Variants in SDF4 observed in about 807,000 individuals in gnomAD.
The protein encoded by SDF4 is 45 kDa calcium-binding protein.
In SDF4, 22 loss-of-function variants were observed where a neutral mutation model predicts 34.2. The observed-to-expected ratio is 0.64, with a 90% CI of 0.46 to 0.92. The LOEUF (loss-of-function observed/expected upper bound fraction) is 0.92. SDF4 is among the 40% of genes least tolerant of loss of function. The pLI is 0.00. For synonymous variants in SDF4, 236 were observed against 203.1 expected (o/e 1.16, Z -1.38); for missense variants, 447 against 499.9 (o/e 0.89, Z 1.01).
chr1:1,218,755 G>A lies in SDF4; in HGVS notation c.715+14C>T. The A allele has an allele frequency of 6.2e-7, 1 of 1,612,432 alleles. No homozygotes were observed. Among genetic ancestry groups the A allele is most frequent in the Non-Finnish European group, 8.5e-7 (1 of 1,179,270 alleles). The stretch of plus-strand genomic sequence containing the variant: ...TGGGTCCTGGCGTGCCGGCCAGGCT[G>A]GACCCAGCCTCACCCAGGTCCCGGA... On this transcript the variant is annotated intron_variant, in intron 5 of 6. Transcript: ENST00000360001. The surrounding 1 kb of genome is among the most constrained non-coding windows in gnomAD (Gnocchi z 7.9).
Position 1,229,036 on chromosome 1 carries a change from T to G in SDF4, c.-174-90A>C, listed in dbSNP as rs1010210195. The G allele has an allele frequency of 2.0e-5, 11 of 550,700 alleles. No individual in the cohort carries two copies. In the South Asian group the frequency reaches 2.7e-4, roughly 14 times the overall value. 34.1% of individuals were successfully genotyped at this position (550,700 alleles called of 1,614,324 possible). On this transcript the variant is annotated intron_variant, in intron 1 of 6. Coordinates refer to ENST00000360001, the MANE Select transcript of SDF4 (RefSeq NM_016176.6). ...CTGCAACATGAAACATATCCTCGAT[T>G]CACAGGATCCAGACATGTGGCATCG...
intron 4 of SDF4, chr1:1,220,117 A>G (rs1649835824): frequency 1.0e-6 from 1 of 987,068 alleles, no homozygotes; most frequent in South Asian, 4.7e-5. Flanking sequence ...CCAGCACAGG[A>G]TTCTCACAGC....
intron 1 of SDF4, among the ~76,000 whole-genome samples, chr1:1,231,430 A>G (rs919347154): frequency 2.6e-5 from 4 of 152,268 alleles, no homozygotes; most frequent in Non-Finnish European, 4.4e-5. Flanking sequence ...AAAGCTCAAC[A>G]GGGTTCATAA....
At chr1:1,219,537 A>C in intron 4 of SDF4, 1 of 991,232 alleles carries the variant, frequency 1.0e-6, no homozygotes, top group African/African-American at 1.7e-5. Context: ...ACAGGGAGGA[A>C]AACACAGTTT....
Position 1,228,552 on chromosome 1 carries a change from A to T in SDF4, c.221T>A (p.Val74Asp). The T allele has an allele frequency of 3.1e-6, 5 of 1,612,694 alleles. No individual in the cohort carries two copies. Among genetic ancestry groups the T allele is most frequent in the Non-Finnish European group, 4.2e-6 (5 of 1,179,938 alleles). The change falls in exon 2 of 7, where the codon GTC becomes GAC. Residue 74 changes from valine (V) to aspartate (D), a missense_variant. By Grantham distance (152) the Val-to-Asp change is radical. Transcript: ENST00000360001. The part of the protein sequence containing the change: ...GHLNRGFHQE[V>D]FLGKDLGGFD... ...GCCACCCAGGTCCTTGCCTAGGAAG[A>T]CCTCCTGGTGGAAGCCGCGATTGAG...
rs1650088463 is a variant in SDF4 at position 1,223,307 on chromosome 1, G to A, written c.493C>T (p.His165Tyr). The change falls in exon 4 of 7, where the codon CAT (histidine) becomes TAT (tyrosine). Residue 165 changes from histidine to tyrosine, a missense_variant. Physicochemically the swap from His to Tyr is moderately conservative, Grantham distance 83 (BLOSUM62 2). Transcript: ENST00000360001. ...GCGTCGGCAACCTCCTTCTCGCTAT[G>A]GCCTTTACTCGCCAAAAACTTCACC... ...YKVKFLASKG[H>Y]SEKEVADAIR... The A allele has an allele frequency of 1.2e-6, 2 of 1,614,062 alleles. No homozygotes were observed. Among genetic ancestry groups the A allele is most frequent in the South Asian group, 1.1e-5 (1 of 91,084 alleles).
In SDF4 at chr1:1,217,142, A is replaced by T. The variant is rs2100962686; in HGVS notation, c.*370T>A. 1 of 153,422 alleles carries T rather than the reference A, an allele frequency of 6.5e-6. No individual in the cohort carries two copies. The highest frequency in any genetic ancestry group is 2.4e-5 in the African/African-American group (1 of 41,574). The allele number at this position is 153,422 out of a possible 1,614,324, so 9.5% of individuals were successfully genotyped here. On this transcript the variant is annotated 3_prime_UTR_variant, in exon 7 of 7. Coordinates refer to ENST00000360001, the MANE Select transcript of SDF4 (RefSeq NM_016176.6). The surrounding 1 kb of genome is among the most constrained non-coding windows in gnomAD (Gnocchi z 8.5). ...GGAAATGGAGGAGCTGTTTTTTCCCACGGAGCGGCGGCCCTGGGAGGGGCC... is the reference window on the plus strand; with the variant it reads ...GGAAATGGAGGAGCTGTTTTTTCCCTCGGAGCGGCGGCCCTGGGAGGGGCC...
At chr1:1,225,748 A>G (rs1001910456) in intron 2 of SDF4, among the ~76,000 whole-genome samples, 1 of 119,750 alleles carries the variant, frequency 8.4e-6, no homozygotes, top group African/African-American at 3.5e-5. Flanking sequence ...CACACTCCAC[A>G]TGCCACAGAC....
intron 1 of SDF4, among the ~76,000 whole-genome samples, chr1:1,229,949 T>C (rs1638441065): frequency 6.6e-6 from 1 of 152,204 alleles, no homozygotes; most frequent in Admixed American, 6.5e-5. Context: ...ACATGTGCCC[T>C]TGCCCACACT....
chr1:1,223,378 T>G (rs780313580), intron 3 of SDF4, 21 bp from the exon 4 acceptor site: 1 of 1,515,294 alleles, frequency 6.6e-7, no homozygotes, highest in South Asian at 1.2e-5. Context: ...AGATCACACC[T>G]GTCAGGGCCT....
Position 1,217,942 on chromosome 1 carries a change from G to A in SDF4, c.892-254C>T, listed in dbSNP as rs1570473557. The A allele has an allele frequency of 2.0e-6, 2 of 988,080 alleles. No individual in the cohort carries two copies. The highest frequency in any genetic ancestry group is 5.6e-5 in the East Asian group (2 of 35,530). 61.2% of individuals were successfully genotyped at this position (988,080 alleles called of 1,614,324 possible). On this transcript the variant is annotated intron_variant, in intron 6 of 6. Transcript: ENST00000360001. This position sits in a 1 kb window ranked among gnomAD's most constrained non-coding sequence, Gnocchi z 8.5. ...ACAGGCCTGGACCCCAGTTCTGAAG[G>A]ATCCCTAACCTGGGCCGGGCCCACT... is the stretch of plus-strand genomic sequence containing the variant.
rs1017041841 is a variant in SDF4 at position 1,217,974 on chromosome 1, C to T, written c.892-286G>A. 3.9e-5 allele frequency among the ~76,000 whole-genome samples: 6 copies of T among 152,180 alleles called. No individual in the cohort carries two copies. The highest frequency in any genetic ancestry group is 7.4e-5 in the Non-Finnish European group (5 of 68,026). On this transcript the variant is annotated intron_variant, in intron 6 of 6. Coordinates refer to ENST00000360001, the MANE Select transcript of SDF4 (RefSeq NM_016176.6). The surrounding 1 kb of genome is among the most constrained non-coding windows in gnomAD (Gnocchi z 8.5). ...AACCTGGGCCGGGCCCACTGGCTGT[C>T]GCCAGGAATCACAGGATTCTACATA...
chr1:1,219,749 A>G lies in SDF4; in HGVS notation c.557-822T>C, dbSNP rs1039668255. ...GGACAGAAACACCACCTCCTGCCCC[A>G]TCTTGGGGCTCACTGCAGTCAGTGG... On this transcript the variant is annotated intron_variant, in intron 4 of 6. Coordinates refer to ENST00000360001, the MANE Select transcript of SDF4 (RefSeq NM_016176.6). The G allele has an allele frequency of 5.1e-6, 5 of 986,046 alleles. No homozygotes were observed. The East Asian group carries it at 5.7e-4, about 112-fold the overall frequency. The allele number at this position is 986,046 out of a possible 1,614,324, so 61.1% of individuals were successfully genotyped here.
chr1:1,220,593 G>A, intron 4 of SDF4: 9 of 1,287,362 alleles, frequency 7.0e-6, no homozygotes, highest in Non-Finnish European at 9.1e-6. Context: ...GACACGGGTG[G>A]GCAGGGAACA....
chr1:1,218,494 G>A lies in SDF4; in HGVS notation c.855C>T (p.Ser285=), dbSNP rs1279148623. Residue 285 remains serine, a synonymous_variant, in exon 6 of 7, where the codon TCC becomes TCT. Transcript: ENST00000360001. This position sits in a 1 kb window ranked among gnomAD's most constrained non-coding sequence, Gnocchi z 7.9. The part of the protein sequence containing the change: ...RKKEFEELID[S]NHDGIVTAEE... ...CGGCGGTCACGATGCCGTCGTGGTT[G>A]GAGTCAATGAGCTCCTCAAACTCCT... 3.1e-6 allele frequency: 5 copies of A among 1,613,440 alleles called. No individual in the cohort carries two copies. The highest frequency in any genetic ancestry group is 4.2e-6 in the Non-Finnish European group (5 of 1,179,930).
chr1:1,219,102 G>A, intron 4 of SDF4, 175 bp from the exon 5 acceptor site: 1 of 1,525,880 alleles, frequency 6.6e-7, no homozygotes, highest in Non-Finnish European at 8.8e-7. Flanking sequence ...GACACAGCCT[G>A]GACCCCCGCC....
Position 1,223,980 on chromosome 1 carries a change from C to G in SDF4, c.306-12G>C, listed in dbSNP as rs1449211787. The G allele has an allele frequency of 1.9e-6, 3 of 1,608,916 alleles. No homozygotes were observed. Among genetic ancestry groups the G allele is most frequent in the Non-Finnish European group, 2.5e-6 (3 of 1,179,542 alleles). On this transcript the variant is annotated splice_polypyrimidine_tract_variant and intron_variant, in intron 2 of 6. Coordinates refer to ENST00000360001, the MANE Select transcript of SDF4 (RefSeq NM_016176.6). Reference sequence around the variant, plus strand: ...TGTTCACATCCACCCTGCAAGACAGCAAATGGGCAGGTGGCCGTCAGACTG... The same window carrying G: ...TGTTCACATCCACCCTGCAAGACAGGAAATGGGCAGGTGGCCGTCAGACTG...
At chr1:1,228,404 G>C in intron 2 of SDF4, 64 bp downstream of exon 2, 2 of 1,497,932 alleles carry the variant, frequency 1.3e-6, no homozygotes, top group Non-Finnish European at 1.8e-6. Flanking sequence ...GCAAAGCCAG[G>C]ATAGGAACAC....
At chr1:1,219,213 G>A (rs933780321) in intron 4 of SDF4, 10 of 1,080,562 alleles carry the variant, frequency 9.3e-6, no homozygotes, top group Non-Finnish European at 1.1e-5. Flanking sequence ...ACCCCCCCCT[G>A]CCCCAGACCC....
Sources: gnomAD v4.1 joint callset for allele counts (sites outside exome capture counted in the v4.1 genomes callset) on GRCh38, gnomAD v4.1.1 for gene constraint, Gnocchi (gnomAD v3.1) non-coding constraint, MANE v1.5 for transcripts, NCBI Gene and HGNC (gene_info 2026-07-23, HGNC 2026-07-21) for gene names.